Variants in EBF1 observed in about 807,000 individuals in gnomAD.
The protein encoded by EBF1 is EBF transcription factor 1, also known as transcription factor COE1.
In EBF1, 10 loss-of-function variants were observed where a neutral mutation model predicts 68.4. That is an observed-to-expected ratio of 0.15 (90% CI 0.09 to 0.25). The LOEUF (loss-of-function observed/expected upper bound fraction) is 0.25, where lower values mean the gene tolerates loss of function less well. EBF1 is among the 10% of genes least tolerant of loss of function. The pLI is 1.00. For synonymous variants in EBF1, 298 were observed against 299.8 expected, an observed-to-expected ratio of 0.99 and a Z score of 0.06; for missense variants, 509 against 794.4, an observed-to-expected ratio of 0.64 and a Z score of 4.32.
rs1273357226 is a variant in EBF1, at chr5:158,797,537, G to A, written c.779-1062C>T. 3.3e-5 allele frequency among the ~76,000 whole-genome samples: 5 copies of A among 152,268 alleles called. No individual in the cohort carries two copies. The East Asian group carries it at 9.6e-4, about 29-fold the overall frequency. ...CAAGACTGACTTTCTGAGCATTGAA[G>A]CCAATGAGAGCACTAGTTAATTTTA... On this transcript the variant is annotated intron_variant, in intron 8 of 15. Transcript: ENST00000313708.
rs115928593 is a variant in EBF1 at position 158,870,362 on chromosome 5, C to A, written c.555-30252G>T. ...GCTATAGACTGTGGATGACATTAGG[C>A]ATTTTCAAATATCATCACCATCTGA... On this transcript the variant is annotated intron_variant, in intron 6 of 15. Transcript: ENST00000313708. Among the ~76,000 whole-genome samples the A allele has an allele frequency of 6.8e-3, 1,033 of 152,266 alleles. 10 individuals carry two copies. The highest frequency in any genetic ancestry group is 0.024 in the African/African-American group (991 of 41,536).
At chr5:158,834,285 T>A (rs1356689129) in intron 7 of EBF1, among the ~76,000 whole-genome samples, 1 of 152,188 alleles carries the variant, frequency 6.6e-6, no homozygotes, top group African/African-American at 2.4e-5. Context: ...GACATTAGCA[T>A]CTTTTTAGTG....
chr5:158,874,056 T>A (rs183865048), intron 6 of EBF1, among the ~76,000 whole-genome samples: 1 of 152,318 alleles, frequency 6.6e-6, no homozygotes, highest in East Asian at 1.9e-4. Flanking sequence ...GTGATTTGTA[T>A]AGAGTTGGAA....
intron 6 of EBF1, among the ~76,000 whole-genome samples, chr5:159,042,991 C>T (rs1320529019): frequency 6.6e-6 from 1 of 152,120 alleles, no homozygotes; most frequent in African/African-American, 2.4e-5. Context: ...ATTCACATAA[C>T]TTATATTTTA....
chr5:158,756,747 C>G (rs574562683), intron 10 of EBF1, among the ~76,000 whole-genome samples: 1 of 151,434 alleles, frequency 6.6e-6, no homozygotes, highest in Non-Finnish European at 1.5e-5. Flanking sequence ...AATGAATTAA[C>G]TAAATAATGA....
chr5:158,821,146 A>AT (rs202115683), intron 8 of EBF1, among the ~76,000 whole-genome samples: 2,355 of 151,772 alleles, frequency 0.016, 58 homozygotes, highest in African/African-American at 0.054. Context: ...CAAAGCACAG[A>AT]TTTTTTTTTA....
At chr5:159,073,936 T>C (rs1156495954) in intron 5 of EBF1, 1 of 152,866 alleles carries the variant, frequency 6.5e-6, no homozygotes, top group Non-Finnish European at 1.5e-5. Context: ...TTCTTCTCTT[T>C]TCTCCTTTAT....
At chr5:158,978,217 G>T (rs570921463) in intron 6 of EBF1, among the ~76,000 whole-genome samples, 4 of 152,240 alleles carry the variant, frequency 2.6e-5, no homozygotes, top group Non-Finnish European at 2.9e-5. Context: ...ACTGCGCCCC[G>T]GTGCGCCCTG....
Position 158,792,590 on chromosome 5 carries a change from G to C in EBF1, c.909+3755C>G, listed in dbSNP as rs75124558. On this transcript the variant is annotated intron_variant, in intron 9 of 15. Coordinates refer to ENST00000313708, the MANE Select transcript of EBF1 (RefSeq NM_024007.5). Reference sequence around the variant, plus strand: ...CCTAGCCTGCCAGCCTGCTTCCTGGGTGTGTTGGGTATAGAGTAAGGAAAT... The same window carrying C: ...CCTAGCCTGCCAGCCTGCTTCCTGGCTGTGTTGGGTATAGAGTAAGGAAAT... Among the ~76,000 whole-genome samples the C allele has an allele frequency of 6.9e-3, 1,052 of 152,310 alleles. 10 individuals carry two copies. Among genetic ancestry groups the C allele is most frequent in the African/African-American group, 0.023 (972 of 41,568 alleles).
chr5:159,005,213 T>C (rs750997123), intron 6 of EBF1, among the ~76,000 whole-genome samples: 1 of 152,206 alleles, frequency 6.6e-6, no homozygotes, highest in Non-Finnish European at 1.5e-5. Context: ...TTAATAACAC[T>C]ACTCACTTTT....
At chr5:159,094,085 A>G (rs1248933842) in intron 4 of EBF1, among the ~76,000 whole-genome samples, 4 of 141,506 alleles carry the variant, frequency 2.8e-5, no homozygotes, top group Non-Finnish European at 4.5e-5. Context: ...ACAAAACTCC[A>G]CTTAAGACAT....
chr5:158,992,917 CTTTTTTTTTTT>C (rs148629320), intron 6 of EBF1, among the ~76,000 whole-genome samples: 3 of 72,828 alleles, frequency 4.1e-5, no homozygotes, highest in African/African-American at 1.7e-4. Context: ...CTGTTTCTTT[CTTTTTTTTTTT>C]TTTTTTTTTT....
intron 10 of EBF1, among the ~76,000 whole-genome samples, chr5:158,743,509 A>G (rs1766893518): frequency 6.6e-6 from 1 of 152,256 alleles, no homozygotes; most frequent in African/African-American, 2.4e-5. Flanking sequence ...CGATGTGATC[A>G]ACATTTTAAA....
rs1755685095 is a variant in EBF1 at position 158,971,700 on chromosome 5, T to G, written c.554+101696A>C. ...AAACATCACAAGCAGTCCCAAAGCA[T>G]GAAGAGGTCTAAATATAAGAAGATT... On this transcript the variant is annotated intron_variant, in intron 6 of 15. Transcript: ENST00000313708. 2.6e-5 allele frequency among the ~76,000 whole-genome samples: 4 copies of G among 152,070 alleles called. No homozygotes were observed. In the South Asian group the frequency reaches 8.3e-4, roughly 32 times the overall value.
chr5:159,022,165 T>G (rs747057578), intron 6 of EBF1, among the ~76,000 whole-genome samples: 4 of 151,964 alleles, frequency 2.6e-5, no homozygotes, highest in South Asian at 2.1e-4. Flanking sequence ...CAACAAGCAC[T>G]GTTGCTTCAA....
At chr5:158,716,383 C>T (rs1315135852) in intron 11 of EBF1, among the ~76,000 whole-genome samples, 1 of 152,142 alleles carries the variant, frequency 6.6e-6, no homozygotes. Flanking sequence ...CTTCTTTGAT[C>T]CACCATGCTG....
At chr5:158,942,999 A>G (rs1813798887) in intron 6 of EBF1, among the ~76,000 whole-genome samples, 1 of 115,124 alleles carries the variant, frequency 8.7e-6, no homozygotes, top group Non-Finnish European at 1.7e-5. Context: ...GGAAGGGAGG[A>G]AGGGAGGAAA....
At chr5:159,075,055 A>G (rs1004052824) in intron 5 of EBF1, among the ~76,000 whole-genome samples, 12 of 152,206 alleles carry the variant, frequency 7.9e-5, no homozygotes, top group African/African-American at 2.7e-4. Flanking sequence ...TCAGAATAGT[A>G]TAGTGGTTAA....
At chr5:159,050,585 G>T (rs1346843664) in intron 6 of EBF1, among the ~76,000 whole-genome samples, 1 of 152,158 alleles carries the variant, frequency 6.6e-6, no homozygotes, top group Non-Finnish European at 1.5e-5. Flanking sequence ...ATAGCTCTCA[G>T]AACTTTGGTC....
Sources: allele counts gnomAD v4.1 joint callset (sites outside exome capture counted in the v4.1 genomes callset), GRCh38; gene constraint gnomAD v4.1.1; transcripts MANE v1.5; gene names NCBI Gene and HGNC (gene_info 2026-07-23, HGNC 2026-07-21).